Variants in SLMAP observed in about 807,000 individuals in gnomAD.
SLMAP encodes sarcolemma associated protein, also known as sarcolemmal membrane-associated protein.
In SLMAP, 44 loss-of-function variants were observed where a neutral mutation model predicts 128.8. The observed-to-expected ratio is 0.34, with a 90% CI of 0.27 to 0.44. The LOEUF is 0.44. Among genes scored for constraint, SLMAP ranks in the 20% least tolerant of loss-of-function variants. The pLI, the probability that SLMAP is intolerant of heterozygous loss-of-function variation, is 1.00. For synonymous variants in SLMAP, 327 were observed against 348.8 expected (o/e 0.94, Z 0.70); for missense variants, 787 against 985.3 (o/e 0.80, Z 2.69).
At chr3:57,879,927 G>A (rs1419599888) in intron 14 of SLMAP, among the ~76,000 whole-genome samples, 2 of 150,234 alleles carry the variant, frequency 1.3e-5, no homozygotes, top group Admixed American at 1.3e-4. Flanking sequence ...TCCAGCCAGG[G>A]AGACAGTGTG....
chr3:57,920,458 A>G, intron 22 of SLMAP, among the ~76,000 whole-genome samples: 1 of 152,122 alleles, frequency 6.6e-6, no homozygotes, highest in East Asian at 1.9e-4. Flanking sequence ...ATACATTTAT[A>G]TTCCTTCTTA....
chr3:57,906,310 C>CTTTTTTTTTTTTTTTTTTGTTTT (rs2096552222), intron 17 of SLMAP, among the ~76,000 whole-genome samples: 1 of 47,048 alleles, frequency 2.1e-5, no homozygotes, highest in Non-Finnish European at 4.2e-5. Flanking sequence ...CTTTTTTTTT[C>CTTTTTTTTTTTTTTTTTTGTTTT]TTTTTTTTTT....
intron 2 of SLMAP, among the ~76,000 whole-genome samples, chr3:57,810,512 CT>C (rs2090770633): frequency 6.6e-6 from 1 of 152,206 alleles, no homozygotes; most frequent in South Asian, 2.1e-4. Context: ...ATTTCACTTT[CT>C]CTATTAGCAT....
At chr3:57,863,664 T>G (rs2095195133) in intron 10 of SLMAP, among the ~76,000 whole-genome samples, 1 of 151,850 alleles carries the variant, frequency 6.6e-6, no homozygotes, top group African/African-American at 2.4e-5. Flanking sequence ...ACTAATAGAG[T>G]GAGAATTCAC....
intron 2 of SLMAP, among the ~76,000 whole-genome samples, chr3:57,788,783 A>G (rs1455006303): frequency 2.6e-5 from 4 of 152,150 alleles, no homozygotes; most frequent in Non-Finnish European, 5.9e-5. Context: ...TGTCTCATCA[A>G]TGGCTTGAGG....
In SLMAP at chr3:57,899,745, CTCTG is replaced by C. The variant is rs563235060; in HGVS notation, c.1501+2817_1501+2820del. ...TCTTTCACTTTGTTTCTCTTTCTCT[CTCTG>C]TCTCTCTCTCTTTTTGCAGCTTGAT... On this transcript the variant is annotated intron_variant, in intron 17 of 24. Coordinates refer to ENST00000671191, the MANE Select transcript of SLMAP (RefSeq NM_001377540.1). 74 of 152,192 alleles carry C rather than the reference CTCTG, an allele frequency of 4.9e-4. 1 individual carries two copies. The highest frequency in any genetic ancestry group is 1.8e-3 in the African/African-American group (73 of 41,550). The allele number at this position is 152,192 out of a possible 1,614,324, so 9.4% of individuals were successfully genotyped here.
chr3:57,920,824 G>T, intron 22 of SLMAP, among the ~76,000 whole-genome samples: 1 of 152,056 alleles, frequency 6.6e-6, no homozygotes. Flanking sequence ...AGACCAGCCT[G>T]ACCAACAAGG....
chr3:57,802,888 A>G (rs1214149335), intron 2 of SLMAP, among the ~76,000 whole-genome samples: 3 of 152,182 alleles, frequency 2.0e-5, no homozygotes, highest in African/African-American at 7.2e-5. Context: ...CCTGGAGCCC[A>G]TTTAATTTTA....
At chr3:57,918,377 G>A (rs943973045) in intron 22 of SLMAP, 4 of 152,160 alleles carry the variant, frequency 2.6e-5, no homozygotes, top group Admixed American at 6.5e-5. Context: ...CTGAGTAATC[G>A]GTGCAAGATG....
chr3:57,896,698 A>C (rs2096252003), intron 16 of SLMAP, 107 bp downstream of exon 16: 2 of 1,261,824 alleles, frequency 1.6e-6, no homozygotes, highest in Admixed American at 5.6e-5. Flanking sequence ...GAAAAAAAAA[A>C]CGCTTCCATT....
intron 2 of SLMAP, among the ~76,000 whole-genome samples, chr3:57,827,693 C>G (rs1263342524): frequency 6.6e-6 from 1 of 152,226 alleles, no homozygotes. Context: ...AATACTACAG[C>G]TGCTAGGACA....
In SLMAP at chr3:57,860,552, C is replaced by T. The variant is rs796253083; in HGVS notation, c.688-147C>T. 25 of 544,670 alleles carry T rather than the reference C, an allele frequency of 4.6e-5. No individual in the cohort carries two copies. The African/African-American group carries it at 4.7e-4, about 10-fold the overall frequency. The allele number at this position is 544,670 out of a possible 1,614,324, so 33.7% of individuals were successfully genotyped here. Reference sequence around the variant, plus strand: ...TTACTTATGCAACTTGTAAATACATCTTTAGTTAATACAGGGCCAGAATCA... The same window carrying T: ...TTACTTATGCAACTTGTAAATACATTTTTAGTTAATACAGGGCCAGAATCA... On this transcript the variant is annotated intron_variant, in intron 8 of 24. Transcript: ENST00000671191.
In SLMAP at chr3:57,771,636, C is replaced by G. The variant is rs558773329; in HGVS notation, c.198+13787C>G. On this transcript the variant is annotated intron_variant, in intron 2 of 24. Transcript: ENST00000671191. ...TGAACTTTGGGCTCAAATGATCCCC[C>G]CACCTTGGCCTCCCAGACTGCTGGG... is the stretch of plus-strand genomic sequence containing the variant. 1.9e-3 allele frequency among the ~76,000 whole-genome samples: 292 copies of G among 152,262 alleles called. 2 individuals carry two copies. The Middle Eastern group carries it at 0.021, about 11-fold the overall frequency.
intron 14 of SLMAP, 104 bp from the exon 15 acceptor site, chr3:57,889,937 A>G (rs1317833358): frequency 1.3e-5 from 10 of 768,890 alleles, no homozygotes; most frequent in Non-Finnish European, 2.3e-6. Flanking sequence ...CATAGGAGTA[A>G]TGTTATCATC....
intron 2 of SLMAP, among the ~76,000 whole-genome samples, chr3:57,784,862 A>G (rs1414414825): frequency 6.6e-6 from 1 of 152,042 alleles, no homozygotes; most frequent in Non-Finnish European, 1.5e-5. Flanking sequence ...TGGGTTTGTT[A>G]TAGAAGTGAG....
chr3:57,874,597 C>T (rs543290717), intron 14 of SLMAP, among the ~76,000 whole-genome samples: 9 of 151,400 alleles, frequency 5.9e-5, no homozygotes, highest in East Asian at 1.9e-4. Context: ...AGGTGGCTCA[C>T]GCCTGTAATC....
At chr3:57,827,152 G>A (rs1480783701) in intron 2 of SLMAP, among the ~76,000 whole-genome samples, 1 of 152,176 alleles carries the variant, frequency 6.6e-6, no homozygotes, top group African/African-American at 2.4e-5. Flanking sequence ...CTGGCCTGTG[G>A]TGTGTCTACT....
At chr3:57,758,452 T>C (rs940281607) in intron 2 of SLMAP, among the ~76,000 whole-genome samples, 1 of 152,252 alleles carries the variant, frequency 6.6e-6, no homozygotes, top group African/African-American at 2.4e-5. Context: ...TTCAGAGTTT[T>C]TTTTACAAGT....
At chr3:57,801,211 C>T (rs2088254017) in intron 2 of SLMAP, 1 of 153,022 alleles carries the variant, frequency 6.5e-6, no homozygotes, top group African/African-American at 2.4e-5. Flanking sequence ...CAATATATAG[C>T]AAATCAGCTA....
Sources: gnomAD v4.1 joint callset for allele counts (sites outside exome capture counted in the v4.1 genomes callset) on GRCh38, gnomAD v4.1.1 for gene constraint, MANE v1.5 for transcripts, NCBI Gene and HGNC (gene_info 2026-07-23, HGNC 2026-07-21) for gene names.